TG: variants seen among roughly 807,000 people sequenced by gnomAD.
The protein encoded by TG is thyroid hormones.
A neutral mutation model predicts 324.7 loss-of-function variants in TG; 270 were observed. The ratio of observed to expected loss-of-function variants is 0.83; its 90% confidence interval spans 0.75 to 0.92. The LOEUF is 0.92. Among genes scored for constraint, TG ranks in the 40% least tolerant of loss-of-function variants. TG has a pLI of 0.00. For missense variants in TG, 3,591 were observed against 3,456.4 expected (o/e 1.04, Z -0.98); for synonymous variants, 1,401 against 1,327.0 (o/e 1.06, Z -1.21).
At chr8:133,105,734 T>C (rs1225613912) in intron 43 of TG, among the ~76,000 whole-genome samples, 1 of 151,918 alleles carries the variant, frequency 6.6e-6, no homozygotes, top group Non-Finnish European at 1.5e-5. Context: ...GTGGACAGAA[T>C]GGGAGGAAAA....
chr8:132,917,562 G>A (rs901472708), intron 20 of TG, among the ~76,000 whole-genome samples: 1 of 152,054 alleles, frequency 6.6e-6, no homozygotes, highest in African/African-American at 2.4e-5. Context: ...CAAGAAGTGG[G>A]GCCAGAGAGA....
chr8:132,925,763 C>T (rs369392600), intron 22 of TG, among the ~76,000 whole-genome samples: 3 of 152,150 alleles, frequency 2.0e-5, no homozygotes, highest in South Asian at 2.1e-4. Flanking sequence ...TATTGTCTTA[C>T]GTGCTCTGAG....
chr8:132,981,156 T>C (rs1336104534), intron 34 of TG, among the ~76,000 whole-genome samples: 1 of 152,160 alleles, frequency 6.6e-6, no homozygotes, highest in Non-Finnish European at 1.5e-5. Flanking sequence ...TTCTCACTGA[T>C]AGTGGGTGTG....
At chr8:133,039,791 G>C (rs756150141) in intron 41 of TG, among the ~76,000 whole-genome samples, 1 of 152,156 alleles carries the variant, frequency 6.6e-6, no homozygotes, top group Non-Finnish European at 1.5e-5. Flanking sequence ...CACACACCTC[G>C]TGAGGCCTGA....
chr8:133,096,840 G>A lies in TG; in HGVS notation c.7572+467G>A, dbSNP rs567046903. Among the ~76,000 whole-genome samples, 128 of 152,322 alleles carry A rather than the reference G, an allele frequency of 8.4e-4. 1 individual carries two copies. Among genetic ancestry groups the A allele is most frequent in the African/African-American group, 2.9e-3 (122 of 41,564 alleles). On this transcript the variant is annotated intron_variant, in intron 43 of 47. Transcript: ENST00000220616. ...TCCTAGTAAAGAGAGCACGCACAAT[G>A]CACCTGGCAAACACGCAGCTTTGTG...
chr8:132,917,079 T>TTCCTTCCTTCCC (rs1820436992), intron 20 of TG, among the ~76,000 whole-genome samples: 3 of 136,744 alleles, frequency 2.2e-5, no homozygotes, highest in African/African-American at 5.3e-5. Context: ...CCTTCCTTCC[T>TTCCTTCCTTCCC]TCCTTCCCTT....
intron 15 of TG, 54 bp from the exon 16 acceptor site, chr8:132,901,299 T>C: frequency 6.2e-7 from 1 of 1,606,050 alleles, no homozygotes; most frequent in Non-Finnish European, 8.5e-7. Context: ...ATTGGGCATC[T>C]GAGCAGGGAG....
At chr8:133,101,414 C>A (rs968358825) in intron 43 of TG, among the ~76,000 whole-genome samples, 3 of 152,180 alleles carry the variant, frequency 2.0e-5, no homozygotes, top group African/African-American at 7.2e-5. Context: ...CAAGAAGGCT[C>A]CATGGCACCT....
intron 34 of TG, among the ~76,000 whole-genome samples, chr8:132,973,588 T>A (rs974597958): frequency 2.6e-5 from 4 of 152,214 alleles, no homozygotes; most frequent in Admixed American, 6.5e-5. Flanking sequence ...CACCACTTCC[T>A]CAGTTTTTCC....
Position 133,015,057 on chromosome 8 carries a change from G to C in TG, c.6562+1293G>C, listed in dbSNP as rs527562068. Among the ~76,000 whole-genome samples, 7 of 152,280 alleles carry C rather than the reference G, an allele frequency of 4.6e-5. 1 individual carries two copies. In the South Asian group the frequency reaches 1.0e-3, roughly 23 times the overall value. On this transcript the variant is annotated intron_variant, in intron 37 of 47. Coordinates refer to ENST00000220616, the MANE Select transcript of TG (RefSeq NM_003235.5). Reference sequence around the variant, plus strand: ...CCAGCTAATTTTTCTATTTTTAATAGAGATAGGGTTTTGCCATGCTGGCCA... The same window carrying C: ...CCAGCTAATTTTTCTATTTTTAATACAGATAGGGTTTTGCCATGCTGGCCA...
At chr8:133,084,188 G>T (rs1285622287) in intron 41 of TG, among the ~76,000 whole-genome samples, 4 of 152,190 alleles carry the variant, frequency 2.6e-5, no homozygotes. Context: ...GAAATGGAGA[G>T]AGAGGGGCAG....
chr8:132,921,681 T>TA (rs1294813930), intron 21 of TG, among the ~76,000 whole-genome samples: 1 of 152,238 alleles, frequency 6.6e-6, no homozygotes, highest in Non-Finnish European at 1.5e-5. Context: ...GCTTATACTT[T>TA]TCTCCTACAT....
chr8:132,967,722 A>G, intron 30 of TG, 72 bp from the exon 31 acceptor site: 1 of 1,556,410 alleles, frequency 6.4e-7, no homozygotes, highest in Non-Finnish European at 8.8e-7. Context: ...CCCCACCCAG[A>G]GAATCCTGTA....
chr8:132,936,261 G>A (rs1823575465), intron 25 of TG, among the ~76,000 whole-genome samples: 2 of 152,222 alleles, frequency 1.3e-5, no homozygotes. Context: ...GGCCCAAGAG[G>A]CTGGGCAAAC....
intron 43 of TG, among the ~76,000 whole-genome samples, chr8:133,099,628 C>T (rs927624065): frequency 1.3e-5 from 2 of 152,204 alleles, no homozygotes; most frequent in Non-Finnish European, 2.9e-5. Context: ...CACCTCTGCT[C>T]CCATCCCCAA....
At chr8:133,072,129 C>T (rs1045817444) in intron 41 of TG, among the ~76,000 whole-genome samples, 3 of 152,196 alleles carry the variant, frequency 2.0e-5, no homozygotes, top group Admixed American at 2.0e-4. Context: ...ACCCCCTCTA[C>T]ACACATATAC....
intron 41 of TG, among the ~76,000 whole-genome samples, chr8:133,091,692 GTT>G: frequency 6.6e-6 from 1 of 152,138 alleles, no homozygotes; most frequent in East Asian, 1.9e-4. Flanking sequence ...GACTGTGTGT[GTT>G]TGTGTGTCCT....
Position 133,094,441 on chromosome 8 carries a change from T to C in TG, c.7240-603T>C, listed in dbSNP as rs1271328723. ...ATTTTTAGTAGAGATGGGGTTTCAC[T>C]GTGTTAGCCAGGATGGTCTCGATCT... On this transcript the variant is annotated intron_variant, in intron 41 of 47. Coordinates refer to ENST00000220616, the MANE Select transcript of TG (RefSeq NM_003235.5). 3.3e-5 allele frequency among the ~76,000 whole-genome samples: 5 copies of C among 152,002 alleles called. No homozygotes were observed. In the South Asian group the frequency reaches 6.2e-4, roughly 19 times the overall value.
intron 44 of TG, among the ~76,000 whole-genome samples, chr8:133,114,191 G>A (rs1470917917): frequency 6.6e-6 from 1 of 152,202 alleles, no homozygotes; most frequent in East Asian, 1.9e-4. Context: ...CCCCACATAG[G>A]AACAGCCCAA....
Sources: allele counts gnomAD v4.1 joint callset (sites outside exome capture counted in the v4.1 genomes callset), GRCh38; gene constraint gnomAD v4.1.1; transcripts MANE v1.5; gene names NCBI Gene and HGNC (gene_info 2026-07-23, HGNC 2026-07-21).